The following IQCB1 variants were observed in gnomAD, a reference collection of about 807,000 sequenced individuals.
IQCB1 encodes the protein IQ motif containing B1, also known as IQ calmodulin-binding motif-containing protein 1.
IQCB1 carries 56 observed loss-of-function variants against 84.4 expected under a neutral mutation model. The observed-to-expected ratio is 0.66, with a 90% CI of 0.54 to 0.83. The LOEUF is 0.83. Among genes scored for constraint, IQCB1 ranks in the 40% least tolerant of loss-of-function variants. The probability of loss-of-function intolerance (pLI) is 0.00; values close to 1 mark genes in which losing one functional copy is unlikely to be tolerated. For synonymous variants in IQCB1, 210 were observed against 234.8 expected, an observed-to-expected ratio of 0.89 and a Z score of 0.96; for missense variants, 629 against 682.1, an observed-to-expected ratio of 0.92 and a Z score of 0.87.
At chr3:121,831,381 C>T (rs565027272) in intron 2 of IQCB1, among the ~76,000 whole-genome samples, 4 of 152,042 alleles carry the variant, frequency 2.6e-5, no homozygotes, top group East Asian at 1.9e-4. Flanking sequence ...TCCATGTTGC[C>T]CAGGGTCTCT....
intron 12 of IQCB1, among the ~76,000 whole-genome samples, 160 bp downstream of exon 12, chr3:121,788,124 G>A (rs898939126): frequency 4.6e-5 from 7 of 152,164 alleles, no homozygotes; most frequent in Non-Finnish European, 8.8e-5. Flanking sequence ...AAATCAGCTC[G>A]GCCAGAGGTA....
intron 7 of IQCB1, among the ~76,000 whole-genome samples, chr3:121,800,222 TTTC>T (rs1217644831): frequency 6.6e-6 from 1 of 151,960 alleles, no homozygotes; most frequent in Non-Finnish European, 1.5e-5. Context: ...TACTTCTACA[TTTC>T]TTCGACAAAC....
intron 7 of IQCB1, among the ~76,000 whole-genome samples, chr3:121,801,588 T>C (rs539318736): frequency 2.6e-5 from 4 of 152,188 alleles, no homozygotes; most frequent in African/African-American, 9.6e-5. Context: ...AAAAATATAA[T>C]TGATATACAA....
At chr3:121,801,745 T>C (rs1241301714) in intron 7 of IQCB1, among the ~76,000 whole-genome samples, 1 of 150,706 alleles carries the variant, frequency 6.6e-6, no homozygotes, top group Non-Finnish European at 1.5e-5. Context: ...TATCATTCTA[T>C]GCCCAGGAAA....
Position 121,795,530 on chromosome 3 carries a change from A to G in IQCB1, c.913T>C (p.Trp305Arg), listed in dbSNP as rs758778010. The part of the protein sequence containing the change: ...HQAACLIQAY[W>R]KGFQTRKRLK... ...CTCTTTCTTGTCTGAAAACCCTTCC[A>G]ATAGGCTTGAATCAAGCATGCTGCT... The change falls in exon 10 of 15, where the codon TGG (tryptophan) becomes CGG (arginine). Residue 305 changes from tryptophan to arginine, a missense_variant. Coordinates refer to ENST00000310864, the MANE Select transcript of IQCB1 (RefSeq NM_001023570.4). 6.2e-7 allele frequency: 1 copy of G among 1,605,834 alleles called. No homozygotes were observed. Among genetic ancestry groups the G allele is most frequent in the South Asian group, 1.1e-5 (1 of 90,874 alleles).
At chr3:121,795,239 T>C (rs563484108) in intron 10 of IQCB1, among the ~76,000 whole-genome samples, 76 of 152,054 alleles carry the variant, frequency 5.0e-4, no homozygotes, top group Non-Finnish European at 1.2e-4. Flanking sequence ...ATTAAGTGGA[T>C]AGGATTGCAT....
chr3:121,779,099 GTTT>G (rs1948370714), intron 13 of IQCB1, among the ~76,000 whole-genome samples: 1 of 151,290 alleles, frequency 6.6e-6, no homozygotes, highest in Non-Finnish European at 1.5e-5. Flanking sequence ...ATTTTTTTTT[GTTT>G]TTAAGATTTT....
At chr3:121,813,068 G>A (rs7649273) in intron 5 of IQCB1, among the ~76,000 whole-genome samples, 1 of 151,934 alleles carries the variant, frequency 6.6e-6, no homozygotes, top group African/African-American at 2.4e-5. Context: ...AACAGCGGAT[G>A]TCTCTGCAGA....
chr3:121,770,064 G>A lies in IQCB1; in HGVS notation c.*281C>T. On this transcript the variant is annotated 3_prime_UTR_variant, in exon 15 of 15. Transcript: ENST00000310864. ...TAGTTGGAAAACAGAAGAAACCAAAGAAAAACACACTTCATGTAAACAACA... is the reference window on the plus strand; with the variant it reads ...TAGTTGGAAAACAGAAGAAACCAAAAAAAAACACACTTCATGTAAACAACA... The A allele has an allele frequency of 4.0e-6, 1 of 252,994 alleles. No individual in the cohort carries two copies. The highest frequency in any genetic ancestry group is 4.9e-5 in the Admixed American group (1 of 20,336). 15.7% of individuals were successfully genotyped at this position (252,994 alleles called of 1,614,324 possible). A position where few individuals can be genotyped will look rare whatever the true frequency, so the allele number is the denominator to read the frequency against.
chr3:121,778,899 CAAAAA>C (rs35667822), intron 13 of IQCB1, among the ~76,000 whole-genome samples: 1 of 115,286 alleles, frequency 8.7e-6, no homozygotes, highest in Non-Finnish European at 1.8e-5. Flanking sequence ...AACTCTGTCT[CAAAAA>C]AAAAAAAAAA....
chr3:121,786,358 A>G (rs1379218502), intron 12 of IQCB1, among the ~76,000 whole-genome samples: 3 of 150,444 alleles, frequency 2.0e-5, no homozygotes, highest in Non-Finnish European at 4.4e-5. Context: ...TTGGCCAGGC[A>G]TGGTGGTTCA....
Position 121,812,431 on chromosome 3 carries a change from T to A in IQCB1, c.394-3422A>T, listed in dbSNP as rs1468235749. Among the ~76,000 whole-genome samples, 4 of 152,098 alleles carry A rather than the reference T, an allele frequency of 2.6e-5. No individual in the cohort carries two copies. The East Asian group carries it at 5.8e-4, about 22-fold the overall frequency. ...CTGGACTGAGAATGAGTTTGATAATTAACAAAAGTAGGCTTCGGAAGGTGG... is the reference window on the plus strand; with the variant it reads ...CTGGACTGAGAATGAGTTTGATAATAAACAAAAGTAGGCTTCGGAAGGTGG... On this transcript the variant is annotated intron_variant, in intron 5 of 14. Transcript: ENST00000310864.
intron 6 of IQCB1, among the ~76,000 whole-genome samples, chr3:121,808,189 G>C (rs1242553765): frequency 6.6e-6 from 1 of 151,864 alleles, no homozygotes; most frequent in Non-Finnish European, 1.5e-5. Context: ...AAATGGAGTG[G>C]GCATGAGGGT....
intron 2 of IQCB1, among the ~76,000 whole-genome samples, chr3:121,831,554 A>G (rs1950640564): frequency 6.6e-6 from 1 of 152,132 alleles, no homozygotes; most frequent in African/African-American, 2.4e-5. Flanking sequence ...GGCATCAGAA[A>G]TGGGGGTCCC....
At chr3:121,789,698 C>T (rs1380491805) in intron 11 of IQCB1, among the ~76,000 whole-genome samples, 3 of 152,190 alleles carry the variant, frequency 2.0e-5, no homozygotes, top group African/African-American at 7.2e-5. Flanking sequence ...GAAGATGTCA[C>T]AACATTTGTA....
intron 13 of IQCB1, among the ~76,000 whole-genome samples, chr3:121,780,262 T>C (rs151254124): frequency 5.9e-5 from 9 of 152,316 alleles, no homozygotes; most frequent in Non-Finnish European, 1.0e-4. Context: ...TAAGCTGGGG[T>C]AATTATAGGG....
intron 12 of IQCB1, among the ~76,000 whole-genome samples, chr3:121,784,189 C>CT (rs61611986): frequency 0.65 from 93,898 of 144,802 alleles, 30,553 homozygotes; most frequent in African/African-American, 0.71. Flanking sequence ...TTCTATCCAT[C>CT]TTTTTTTTTT....
chr3:121,785,988 G>A (rs1258050580), intron 12 of IQCB1, among the ~76,000 whole-genome samples: 2 of 139,814 alleles, frequency 1.4e-5, no homozygotes, highest in Non-Finnish European at 3.0e-5. Flanking sequence ...GGAGAACACA[G>A]TGAGACTTAG....
Position 121,810,350 on chromosome 3 carries a change from T to G in IQCB1, c.394-1341A>C, listed in dbSNP as rs1949777516. ...AAATAGACTAATAAATTAATTCAAG[T>G]TTTTGCCACATCTTTTTTATGCCCC... is the stretch of plus-strand genomic sequence containing the variant. On this transcript the variant is annotated intron_variant, in intron 5 of 14. Transcript: ENST00000310864. 3.3e-5 allele frequency among the ~76,000 whole-genome samples: 5 copies of G among 152,222 alleles called. No homozygotes were observed. The South Asian group carries it at 1.0e-3, about 32-fold the overall frequency.
Sources: gnomAD v4.1 joint callset for allele counts (sites outside exome capture counted in the v4.1 genomes callset) on GRCh38, gnomAD v4.1.1 for gene constraint, MANE v1.5 for transcripts, NCBI Gene and HGNC (gene_info 2026-07-23, HGNC 2026-07-21) for gene names.